The following RYR3 variants were observed in gnomAD, a reference collection of about 807,000 sequenced individuals.
RYR3 encodes ryanodine receptor 3.
A neutral mutation model predicts 584.3 loss-of-function variants in RYR3; 207 were observed. The observed-to-expected ratio is 0.35, with a 90% CI of 0.32 to 0.40. The LOEUF (loss-of-function observed/expected upper bound fraction) is 0.40. Among genes scored for constraint, RYR3 ranks in the 10% least tolerant of loss-of-function variants. RYR3 has a pLI of 1.00. For missense variants in RYR3, 5,616 were observed against 6,089.2 expected (o/e 0.92, Z 2.59); for synonymous variants, 2,416 against 2,248.5 (o/e 1.07, Z -2.11).
intron 1 of RYR3, among the ~76,000 whole-genome samples, chr15:33,463,479 G>A (rs1476076789): frequency 1.3e-5 from 2 of 152,000 alleles, no homozygotes; most frequent in African/African-American, 4.8e-5. Context: ...GAAATTCTCT[G>A]GGTAGCAACT....
At chr15:33,389,680 A>G (rs1174244295) in intron 1 of RYR3, among the ~76,000 whole-genome samples, 1 of 152,234 alleles carries the variant, frequency 6.6e-6, no homozygotes, top group East Asian at 1.9e-4. Flanking sequence ...TTGATGTACA[A>G]TGTGATCATA....
intron 24 of RYR3, 98 bp from the exon 25 acceptor site, chr15:33,634,488 C>A: frequency 7.9e-7 from 1 of 1,273,788 alleles, no homozygotes; most frequent in Non-Finnish European, 1.1e-6. Flanking sequence ...CCTAGAGCGA[C>A]CAGAAAGCCA....
At chr15:33,661,084 T>C (rs1288290479) in intron 34 of RYR3, among the ~76,000 whole-genome samples, 1 of 152,072 alleles carries the variant, frequency 6.6e-6, no homozygotes, top group Non-Finnish European at 1.5e-5. Context: ...CCTGCATAGG[T>C]CCCATTTAGG....
rs552385573 is a variant in RYR3, at chr15:33,859,823, C to T, written c.14299+92C>T. 1.4e-4 allele frequency: 177 copies of T among 1,298,342 alleles called. 1 individual carries two copies. The highest frequency in any genetic ancestry group is 5.8e-4 in the African/African-American group (39 of 67,532). 80.4% of individuals were successfully genotyped at this position (1,298,342 alleles called of 1,614,324 possible). ...ATGACTTAATTGGTTTATGAAGAAGCGTGTGAATTCATTTACTTGTTAATT... is the reference window on the plus strand; with the variant it reads ...ATGACTTAATTGGTTTATGAAGAAGTGTGTGAATTCATTTACTTGTTAATT... On this transcript the variant is annotated intron_variant, in intron 100 of 103. Coordinates refer to ENST00000634891, the MANE Select transcript of RYR3 (RefSeq NM_001036.6).
At chr15:33,380,821 G>A (rs987867451) in intron 1 of RYR3, among the ~76,000 whole-genome samples, 11 of 152,176 alleles carry the variant, frequency 7.2e-5, no homozygotes, top group African/African-American at 2.7e-4. Flanking sequence ...TCTTTAGCTT[G>A]CAAAGCTCTC....
chr15:33,733,910 G>A (rs1432093440), intron 48 of RYR3, among the ~76,000 whole-genome samples: 1 of 152,100 alleles, frequency 6.6e-6, no homozygotes, highest in African/African-American at 2.4e-5. Flanking sequence ...AATAAAGCCT[G>A]TTACAAAACA....
At chr15:33,701,153 C>T in intron 42 of RYR3, 73 bp downstream of exon 42, 1 of 940,242 alleles carries the variant, frequency 1.1e-6, no homozygotes, top group Non-Finnish European at 1.7e-6. Flanking sequence ...GATAAGCAGA[C>T]CACGGATGGA....
In RYR3 at chr15:33,830,969, A is replaced by G. The variant is rs1596870541; in HGVS notation, c.11341A>G (p.Ile3781Val). 1.2e-6 allele frequency: 2 copies of G among 1,613,060 alleles called. No individual in the cohort carries two copies. The highest frequency in any genetic ancestry group is 1.1e-5 in the South Asian group (1 of 90,832). ...TCTACTCATTTGTTTTTAGGAATCA[A>G]TCAGTGATTTCTACTGGTATTATTC... ...VDYLLRLQESISDFYWYYSGK... is the reference protein window; with the variant it reads ...VDYLLRLQESVSDFYWYYSGK... Residue 3781 changes from isoleucine (I) to valine (V), a missense_variant, in exon 86 of 104, where the codon ATC becomes GTC. By Grantham distance (29) the Ile-to-Val change is conservative (BLOSUM62 3). Around this residue, in one of 9 missense-constraint regions of RYR3, gnomAD observed 954 missense variants for 1,132.2 expected, o/e 0.84. Transcript: ENST00000634891.
intron 102 of RYR3, among the ~76,000 whole-genome samples, chr15:33,861,480 C>CT (rs34330524): frequency 0.62 from 91,980 of 148,078 alleles, 31,494 homozygotes; most frequent in Non-Finnish European, 0.78. Context: ...TATAAATATG[C>CT]TTTTTTTTTT....
Position 33,660,357 on chromosome 15 carries a change from A to G in RYR3, c.4556A>G (p.His1519Arg), listed in dbSNP as rs1000616625. ...KVETERVSER[H>R]GWVVQCLEPL... ...GAGACCGAGCGTGTGAGCGAGCGCCACGGCTGGGTGGTGCAGTGCCTGGAG... is the reference window on the plus strand; with the variant it reads ...GAGACCGAGCGTGTGAGCGAGCGCCGCGGCTGGGTGGTGCAGTGCCTGGAG... The change falls in exon 34 of 104, where the codon CAC (histidine) becomes CGC (arginine). Residue 1519 changes from histidine to arginine, a missense_variant. This residue lies in a region of RYR3 where 753 missense variants were observed against 741.0 expected (regional missense o/e 1.02). Transcript: ENST00000634891. 6 of 1,591,672 alleles carry G rather than the reference A, an allele frequency of 3.8e-6. No individual in the cohort carries two copies. The African/African-American group carries it at 6.7e-5, about 18-fold the overall frequency.
intron 31 of RYR3, 74 bp from the exon 32 acceptor site, chr15:33,652,644 T>A: frequency 6.8e-7 from 1 of 1,479,288 alleles, no homozygotes; most frequent in Non-Finnish European, 9.2e-7. Context: ...TTTTCATTTT[T>A]CATTTCATTC....
intron 1 of RYR3, among the ~76,000 whole-genome samples, chr15:33,353,895 G>A (rs974576079): frequency 6.6e-6 from 1 of 152,112 alleles, no homozygotes; most frequent in African/African-American, 2.4e-5. Context: ...GAGAAATTTA[G>A]TTTCCATAAA....
intron 64 of RYR3, among the ~76,000 whole-genome samples, chr15:33,775,559 A>G (rs1249404671): frequency 1.3e-5 from 2 of 152,194 alleles, no homozygotes; most frequent in African/African-American, 2.4e-5. Context: ...AGTGCATCCT[A>G]GAGTCATAAG....
chr15:33,732,437 A>C (rs919049411), intron 48 of RYR3, among the ~76,000 whole-genome samples: 20 of 151,902 alleles, frequency 1.3e-4, no homozygotes, highest in Admixed American at 6.5e-4. Context: ...GACCAGCAAC[A>C]AATGAAAGAA....
intron 83 of RYR3, 60 bp from the exon 84 acceptor site, chr15:33,826,612 T>A: frequency 7.5e-7 from 1 of 1,336,272 alleles, no homozygotes; most frequent in Non-Finnish European, 1.1e-6. Flanking sequence ...TCATTTACAT[T>A]AGAAAGTATT....
chr15:33,766,532 G>A (rs567955687), intron 60 of RYR3, among the ~76,000 whole-genome samples: 2 of 152,284 alleles, frequency 1.3e-5, no homozygotes, highest in South Asian at 4.1e-4. Flanking sequence ...TCCAACAGAG[G>A]GCAGGTGTGT....
At chr15:33,829,629 T>C (rs2077561406) in intron 85 of RYR3, among the ~76,000 whole-genome samples, 1 of 151,790 alleles carries the variant, frequency 6.6e-6, no homozygotes, top group Non-Finnish European at 1.5e-5. Flanking sequence ...GGCGGGTGCC[T>C]GTAGTCCCAG....
At position 33,736,300 on chromosome 15, in the gene RYR3, A is replaced by G. The variant is rs61996331; in HGVS notation, c.7490A>G (p.Asn2497Ser). ...RRLVFDVPQLNEYCKMPLKLL... is the reference protein window; with the variant it reads ...RRLVFDVPQLSEYCKMPLKLL... ...CTCGTTTTTGATGTGCCGCAACTCA[A>G]TGAATACTGCAAAATGCCTCTCAAG... The change falls in exon 49 of 104, where the codon AAT becomes AGT. Residue 2497 changes from asparagine to serine, a missense_variant. Physicochemically the swap from Asn to Ser is conservative, Grantham distance 46 (BLOSUM62 1). This residue lies in a region of RYR3 where 1,280 missense variants were observed against 1,426.2 expected (regional missense o/e 0.90). Transcript: ENST00000634891. The G allele has an allele frequency of 3.2e-4, 510 of 1,612,504 alleles. 2 individuals carry two copies. In the African/African-American group the frequency reaches 6.2e-3, roughly 20 times the overall value.
At chr15:33,500,557 T>C (rs2142706360) in intron 2 of RYR3, among the ~76,000 whole-genome samples, 1 of 152,230 alleles carries the variant, frequency 6.6e-6, no homozygotes, top group Middle Eastern at 3.4e-3. Context: ...CATTTGGAAA[T>C]GTAGTGCTTC....
Sources: gnomAD v4.1 joint callset for allele counts (sites outside exome capture counted in the v4.1 genomes callset) on GRCh38, gnomAD v4.1.1 for gene constraint, gnomAD v4.1.1 regional missense constraint, MANE v1.5 for transcripts, NCBI Gene and HGNC (gene_info 2026-07-23, HGNC 2026-07-21) for gene names.